The following HMGB1 variants were observed in gnomAD, a reference collection of about 807,000 sequenced individuals.
HMGB1 encodes high mobility group box 1.
For missense variants in HMGB1, 79 were observed against 253.5 expected (o/e 0.31, Z 4.67); for synonymous variants, 81 against 84.0 (o/e 0.96, Z 0.19).
chr13:30,522,350 C>G (rs1238364113), intron 1 of HMGB1, among the ~76,000 whole-genome samples: 2 of 152,096 alleles, frequency 1.3e-5, no homozygotes, highest in Admixed American at 6.6e-5. Context: ...GTGATCCTCC[C>G]ATCTCAGCCT....
chr13:30,554,390 T>TA (rs1869580585), intron 1 of HMGB1: 1 of 829,064 alleles, frequency 1.2e-6, no homozygotes, highest in Non-Finnish European at 2.1e-6. Context: ...AAAAGGAGAT[T>TA]ATATTAACAT....
rs562454607 is a variant in HMGB1, at chr13:30,569,659, A to C, written c.-15+47012T>G. On this transcript the variant is annotated intron_variant, in intron 1 of 4. Coordinates refer to the HMGB1 transcript ENST00000405805. ...AGCAGAACCAGGCCTCGAGCTACTC[A>C]GTCTGATTTCCAAAGCCCCTGCTCT... 3.3e-5 allele frequency among the ~76,000 whole-genome samples: 5 copies of C among 152,298 alleles called. No individual in the cohort carries two copies. The East Asian group carries it at 9.6e-4, about 29-fold the overall frequency.
intron 1 of HMGB1, among the ~76,000 whole-genome samples, chr13:30,588,321 T>G (rs904429357): frequency 4.6e-5 from 7 of 152,216 alleles, no homozygotes; most frequent in African/African-American, 1.7e-4. Flanking sequence ...AAAATTAAAA[T>G]AATCAGGAAA....
intron 1 of HMGB1, among the ~76,000 whole-genome samples, chr13:30,545,104 C>T (rs1869088868): frequency 6.6e-6 from 1 of 152,004 alleles, no homozygotes; most frequent in Admixed American, 6.6e-5. Flanking sequence ...GCATTGATTT[C>T]CATTTCAGCT....
intron 1 of HMGB1, among the ~76,000 whole-genome samples, chr13:30,515,891 A>G (rs1159791341): frequency 6.6e-6 from 1 of 152,248 alleles, no homozygotes; most frequent in East Asian, 1.9e-4. Flanking sequence ...ATTTCTTTGC[A>G]TGAATTACCA....
At chr13:30,561,669 C>G (rs1015347049) in intron 1 of HMGB1, among the ~76,000 whole-genome samples, 2 of 152,112 alleles carry the variant, frequency 1.3e-5, no homozygotes, top group African/African-American at 4.8e-5. Flanking sequence ...TTCTGAGACA[C>G]TGAAGAGGCA....
chr13:30,538,482 CTTT>C (rs1868575043), intron 1 of HMGB1, among the ~76,000 whole-genome samples: 3 of 33,532 alleles, frequency 8.9e-5, no homozygotes, highest in Non-Finnish European at 1.5e-4. Context: ...TTCTTTCTTT[CTTT>C]CTTTCTTTCT....
Position 30,461,038 on chromosome 13 carries a change from A to C in HMGB1, c.*319T>G. On this transcript the variant is annotated 3_prime_UTR_variant, in exon 5 of 5. Coordinates refer to ENST00000341423, the MANE Select transcript of HMGB1 (RefSeq NM_002128.7). ...GTATAAGCTGCATCAGAGACAACTG[A>C]AGATGAAAAAACTACCATCCCCATA... is the stretch of plus-strand genomic sequence containing the variant. The C allele has an allele frequency of 2.4e-6, 2 of 834,306 alleles. No individual in the cohort carries two copies. Among genetic ancestry groups the C allele is most frequent in the Non-Finnish European group, 2.9e-6 (2 of 682,248 alleles). 51.7% of individuals were successfully genotyped at this position (834,306 alleles called of 1,614,324 possible). A position where few individuals can be genotyped will look rare whatever the true frequency, so the allele number is the denominator to read the frequency against.
intron 1 of HMGB1, among the ~76,000 whole-genome samples, chr13:30,587,906 A>G (rs887184682): frequency 3.3e-5 from 5 of 152,210 alleles, no homozygotes; most frequent in African/African-American, 4.8e-5. Flanking sequence ...TAGAAGCTCA[A>G]TACATAATGA....
At chr13:30,468,920 G>A (rs1392516055), upstream of HMGB1, among the ~76,000 whole-genome samples, 2 of 152,066 alleles carry the variant, frequency 1.3e-5, no homozygotes, top group Admixed American at 6.5e-5. Flanking sequence ...ATGAGACAGG[G>A]TCTTGCTCTG....
chr13:30,521,703 C>T (rs1439431104), intron 1 of HMGB1, among the ~76,000 whole-genome samples: 2 of 151,140 alleles, frequency 1.3e-5, no homozygotes, highest in Admixed American at 6.6e-5. Context: ...TGTGTAGATA[C>T]GTGTTTTCAC....
intron 1 of HMGB1, among the ~76,000 whole-genome samples, chr13:30,538,470 C>CT (rs1381717714): frequency 2.2e-5 from 1 of 45,986 alleles, no homozygotes; most frequent in Non-Finnish European, 4.7e-5. Context: ...TTCTTTCTTT[C>CT]TTTCTTTCTT....
At chr13:30,467,671 CTAGA>C (rs1260688440), upstream of HMGB1, among the ~76,000 whole-genome samples, 1 of 152,132 alleles carries the variant, frequency 6.6e-6, no homozygotes, top group Non-Finnish European at 1.5e-5. Context: ...TTTTTTAAAT[CTAGA>C]TATTTATTTC....
At chr13:30,555,526 G>GTA (rs1356257767) in intron 1 of HMGB1, among the ~76,000 whole-genome samples, 1 of 152,128 alleles carries the variant, frequency 6.6e-6, no homozygotes, top group African/African-American at 2.4e-5. Context: ...ATGGGTTCAT[G>GTA]TACTCACAAT....
At chr13:30,597,831 G>C (rs144486109) in intron 1 of HMGB1, among the ~76,000 whole-genome samples, 409 of 152,150 alleles carry the variant, frequency 2.7e-3, no homozygotes, top group African/African-American at 9.5e-3. Context: ...GGTCACATTT[G>C]ACTCATAGCC....
intron 1 of HMGB1, among the ~76,000 whole-genome samples, chr13:30,609,083 G>C (rs1431595242): frequency 1.3e-5 from 2 of 152,210 alleles, no homozygotes; most frequent in Non-Finnish European, 2.9e-5. Context: ...AACACGGTGT[G>C]AAACCCCGTC....
chr13:30,565,603 G>A (rs1870153152), intron 1 of HMGB1, among the ~76,000 whole-genome samples: 1 of 152,144 alleles, frequency 6.6e-6, no homozygotes, highest in Non-Finnish European at 1.5e-5. Context: ...AAATCACCTG[G>A]AGATCTTGTT....
At chr13:30,609,890 C>T (rs779352117) in intron 1 of HMGB1, among the ~76,000 whole-genome samples, 8 of 152,202 alleles carry the variant, frequency 5.3e-5, no homozygotes, top group Non-Finnish European at 1.2e-4. Flanking sequence ...TGGCCTCCAG[C>T]TCCATCCAAA....
intron 1 of HMGB1, among the ~76,000 whole-genome samples, chr13:30,548,912 AT>A (rs1318188941): frequency 6.6e-6 from 1 of 152,126 alleles, no homozygotes; most frequent in Non-Finnish European, 1.5e-5. Context: ...CCCTATTAAC[AT>A]TGTCCCTGAT....
Sources: allele counts gnomAD v4.1 joint callset (sites outside exome capture counted in the v4.1 genomes callset), GRCh38; gene constraint gnomAD v4.1.1; transcripts MANE v1.5; gene names NCBI Gene and HGNC (gene_info 2026-07-23, HGNC 2026-07-21).